SVOP: variants seen among roughly 807,000 people sequenced by gnomAD.
SVOP encodes synaptic vesicle 2-related protein.
SVOP carries 17 observed loss-of-function variants against 69.1 expected under a neutral mutation model. The observed-to-expected ratio is 0.25, with a 90% confidence interval of 0.17 to 0.37. SVOP has a LOEUF of 0.37. Ranked by LOEUF, SVOP falls within the 10% of genes least tolerant of loss-of-function variation. The probability of loss-of-function intolerance (pLI) is 1.00; values close to 1 mark genes in which losing one functional copy is unlikely to be tolerated. For missense variants in SVOP, 435 were observed against 597.5 expected (o/e 0.73, Z 2.84); for synonymous variants, 238 against 238.6 (o/e 1.00, Z 0.02).
rs12312265 is a variant in SVOP at position 109,021,051 on chromosome 12, G to A, written c.-183C>T. The A allele has an allele frequency of 0.96, 540,878 of 561,426 alleles. 262,176 individuals are homozygous for A. The highest frequency in any genetic ancestry group is 1 in the Non-Finnish European group (313,976 of 314,694). The allele number at this position is 561,426 out of a possible 1,614,324, so 34.8% of individuals were successfully genotyped here. On this transcript the variant is annotated 5_prime_UTR_variant, in exon 1 of 16. Transcript: ENST00000610966. ...CCACGAGACAAAGCCTCCGCCGCCA[G>A]GAGACCGCGGCGAGAGTGGGCGGAG... is the stretch of plus-strand genomic sequence containing the variant.
intron 4 of SVOP, among the ~76,000 whole-genome samples, chr12:108,975,934 C>A (rs1455432010): frequency 1.3e-5 from 2 of 152,114 alleles, no homozygotes; most frequent in South Asian, 4.1e-4. Flanking sequence ...CTCCTGGCCT[C>A]AAGTGATCTG....
chr12:108,948,714 G>GAT (rs1267067609), intron 6 of SVOP, among the ~76,000 whole-genome samples: 4 of 151,998 alleles, frequency 2.6e-5, no homozygotes, highest in African/African-American at 7.3e-5. Context: ...TATGATTTGA[G>GAT]ATATATATAT....
At chr12:108,965,856 T>C (rs1282117176) in intron 5 of SVOP, among the ~76,000 whole-genome samples, 1 of 152,158 alleles carries the variant, frequency 6.6e-6, no homozygotes, top group East Asian at 1.9e-4. Flanking sequence ...ATAGACCTAA[T>C]AGCTTTTGAA....
Position 108,986,603 on chromosome 12 carries a change from C to A in SVOP, c.36-2842G>T, listed in dbSNP as rs533423696. Among the ~76,000 whole-genome samples the A allele has an allele frequency of 1.4e-3, 216 of 152,246 alleles. 1 individual carries two copies. Among genetic ancestry groups the A allele is most frequent in the African/African-American group, 5.1e-3 (212 of 41,550 alleles). ...ATCGCTCACATCTTCATAGGCATTT[C>A]ACATTTTAAAATAGGCAAAGGACTT... On this transcript the variant is annotated intron_variant, in intron 1 of 15. Transcript: ENST00000610966.
chr12:108,952,230 C>CTTTTTTTTTTTT (rs36191772), intron 6 of SVOP, among the ~76,000 whole-genome samples: 3 of 98,360 alleles, frequency 3.1e-5, no homozygotes, highest in Non-Finnish European at 6.0e-5. Context: ...TTTCTTTTCT[C>CTTTTTTTTTTTT]TTTTTTTTTT....
At chr12:108,937,828 T>G (rs1353965257) in intron 9 of SVOP, among the ~76,000 whole-genome samples, 1 of 152,246 alleles carries the variant, frequency 6.6e-6, no homozygotes, top group Non-Finnish European at 1.5e-5. Flanking sequence ...ATTCACAAAT[T>G]TATCAAACTT....
At chr12:109,004,894 T>C (rs2040296892) in intron 1 of SVOP, among the ~76,000 whole-genome samples, 1 of 151,858 alleles carries the variant, frequency 6.6e-6, no homozygotes, top group Non-Finnish European at 1.5e-5. Context: ...TCCACCACCA[T>C]GCCTAGCTAA....
chr12:108,937,113 T>C, intron 10 of SVOP, 151 bp downstream of exon 10: 1 of 730,980 alleles, frequency 1.4e-6, no homozygotes, highest in South Asian at 1.6e-5. Flanking sequence ...AACCTGGATA[T>C]GACGGAAATC....
chr12:108,973,180 T>G (rs761057287), intron 4 of SVOP, among the ~76,000 whole-genome samples: 2 of 152,152 alleles, frequency 1.3e-5, no homozygotes, highest in Non-Finnish European at 2.9e-5. Context: ...CACATCTTAC[T>G]GCATCCTCAC....
chr12:108,921,845 A>G (rs1420992658), intron 12 of SVOP, among the ~76,000 whole-genome samples: 4 of 152,238 alleles, frequency 2.6e-5, no homozygotes, highest in Admixed American at 6.5e-5. Context: ...GGGAATAACT[A>G]AACGACTTCA....
rs1295468208 is a variant in SVOP, at chr12:108,934,081, G to A, written c.1048+114C>T. ...ACAGAGTGTCTTGGAAACCACAGAAGTAGTACAAGGCCAATCCCTTAAGGG... is the reference window on the plus strand; with the variant it reads ...ACAGAGTGTCTTGGAAACCACAGAAATAGTACAAGGCCAATCCCTTAAGGG... On this transcript the variant is annotated intron_variant, in intron 11 of 15. Transcript: ENST00000610966. The A allele has an allele frequency of 4.8e-6, 4 of 838,042 alleles. No individual in the cohort carries two copies. The Admixed American group carries it at 1.1e-4, about 24-fold the overall frequency. 51.9% of individuals were successfully genotyped at this position (838,042 alleles called of 1,614,324 possible).
At chr12:109,016,045 A>G (rs2040366151) in intron 1 of SVOP, among the ~76,000 whole-genome samples, 1 of 152,232 alleles carries the variant, frequency 6.6e-6, no homozygotes. Context: ...ATAAGTTGGA[A>G]GATCAGGGAA....
Position 108,915,786 on chromosome 12 carries a change from G to A in SVOP, c.1437C>T (p.Ala479=). Residue 479 remains alanine (A), a synonymous_variant, in exon 15 of 16, where the codon GCC becomes GCT. Coordinates refer to ENST00000610966, the MANE Select transcript of SVOP (RefSeq NM_018711.5). ...RVGALITPFI[A]QVMLESSVYL... Reference sequence around the variant, plus strand: ...TGTATTTGGGGGCAGCACCTACCTGGGCGATGAACGGAGTGATGAGAGCAC... The same window carrying A: ...TGTATTTGGGGGCAGCACCTACCTGAGCGATGAACGGAGTGATGAGAGCAC... The A allele has an allele frequency of 6.2e-7, 1 of 1,603,450 alleles. No individual in the cohort carries two copies. The highest frequency in any genetic ancestry group is 1.1e-5 in the South Asian group (1 of 88,764).
chr12:108,976,863 C>T (rs748570999), intron 4 of SVOP, among the ~76,000 whole-genome samples: 3 of 152,170 alleles, frequency 2.0e-5, no homozygotes, highest in Non-Finnish European at 4.4e-5. Context: ...GGTCCACCCA[C>T]CTCAGCCTCC....
chr12:108,993,168 C>T (rs1196433971), intron 1 of SVOP, among the ~76,000 whole-genome samples: 5 of 151,972 alleles, frequency 3.3e-5, no homozygotes, highest in African/African-American at 7.3e-5. Flanking sequence ...CCACCACGCC[C>T]GGCTAACTTT....
intron 1 of SVOP, among the ~76,000 whole-genome samples, chr12:109,018,381 T>G (rs1262701005): frequency 6.6e-6 from 1 of 152,108 alleles, no homozygotes; most frequent in Non-Finnish European, 1.5e-5. Context: ...GGAAGGACTG[T>G]TTCTTAGACT....
intron 11 of SVOP, among the ~76,000 whole-genome samples, chr12:108,929,567 C>T (rs561436472): frequency 2.0e-5 from 3 of 152,222 alleles, no homozygotes; most frequent in Admixed American, 6.5e-5. Context: ...CTTTTGCCTC[C>T]CAAGGTGCTG....
Position 108,991,785 on chromosome 12 carries a change from A to AAAC in SVOP, c.36-8025_36-8024insGTT, listed in dbSNP as rs1555252751. 0.03 allele frequency among the ~76,000 whole-genome samples: 135 copies of AAAC among 4,492 alleles called. No individual in the cohort carries two copies. The Non-Finnish European group carries it at 0.41, about 13-fold the overall frequency. The allele number at this position is 4,492 out of a possible 152,430, so 2.9% of individuals were successfully genotyped here. A position where few individuals can be genotyped will look rare whatever the true frequency, so the allele number is the denominator to read the frequency against. ...AGACCCCATCTCTACAAAAAAAAAC[A>AAAC]AAAAAAAAAGATTAGCCAGGCATGG... On this transcript the variant is annotated intron_variant, in intron 1 of 15. Transcript: ENST00000610966.
chr12:108,992,919 G>A (rs145056348), intron 1 of SVOP, among the ~76,000 whole-genome samples: 7 of 152,320 alleles, frequency 4.6e-5, no homozygotes, highest in Middle Eastern at 3.4e-3. Context: ...AGCCAGACAT[G>A]GTGGGGGGCT....
Sources: gnomAD v4.1 joint callset for allele counts (sites outside exome capture counted in the v4.1 genomes callset) on GRCh38, gnomAD v4.1.1 for gene constraint, MANE v1.5 for transcripts, NCBI Gene and HGNC (gene_info 2026-07-23, HGNC 2026-07-21) for gene names.